Variants in AHR observed in about 807,000 individuals in gnomAD.
AHR encodes AH-receptor.
A neutral mutation model predicts 86.8 loss-of-function variants in AHR; 40 were observed. That is an observed-to-expected ratio of 0.46 (90% CI 0.36 to 0.60). The LOEUF (loss-of-function observed/expected upper bound fraction) is 0.60. Among genes scored for constraint, AHR ranks in the 20% least tolerant of loss-of-function variants. The pLI is 0.00. For synonymous variants in AHR, 398 were observed against 354.9 expected, an observed-to-expected ratio of 1.12 and a Z score of -1.37; for missense variants, 1,001 against 1,011.6, an observed-to-expected ratio of 0.99 and a Z score of 0.14.
At chr7:17,324,464 A>G (rs992984175) in intron 3 of AHR, among the ~76,000 whole-genome samples, 5 of 152,172 alleles carry the variant, frequency 3.3e-5, no homozygotes, top group Non-Finnish European at 5.9e-5. Flanking sequence ...GAGGAGAAAT[A>G]TTTTCCTTTG....
In AHR at chr7:17,343,119, A is replaced by G; in HGVS notation, c.*55A>G. On this transcript the variant is annotated 3_prime_UTR_variant, in exon 11 of 11. Coordinates refer to ENST00000242057, the MANE Select transcript of AHR (RefSeq NM_001621.5). Reference sequence around the variant, plus strand: ...GGATTAAATTAGTTTGTGAAGGATTATGGAAAAATAAAACTGTCACTGTTG... The same window carrying G: ...GGATTAAATTAGTTTGTGAAGGATTGTGGAAAAATAAAACTGTCACTGTTG... 6.3e-7 allele frequency: 1 copy of G among 1,587,030 alleles called. No homozygotes were observed.
chr7:17,332,287 T>G (rs912833279), intron 6 of AHR, among the ~76,000 whole-genome samples: 1 of 151,952 alleles, frequency 6.6e-6, no homozygotes, highest in Non-Finnish European at 1.5e-5. Flanking sequence ...TACTTTATTT[T>G]TAAATGTATT....
intron 1 of AHR, among the ~76,000 whole-genome samples, chr7:17,304,716 G>GA (rs1430221878): frequency 1.3e-5 from 2 of 152,066 alleles, no homozygotes; most frequent in African/African-American, 4.8e-5. Context: ...CTCCTAGTAG[G>GA]AAAAAGAATG....
chr7:17,318,291 A>G (rs1055701022), intron 2 of AHR, among the ~76,000 whole-genome samples: 2 of 152,080 alleles, frequency 1.3e-5, no homozygotes, highest in Admixed American at 6.6e-5. Flanking sequence ...GGGAAATCTG[A>G]GCTTAGATGT....
intron 3 of AHR, 118 bp downstream of exon 3, chr7:17,322,725 T>G: frequency 1.4e-6 from 1 of 702,174 alleles, no homozygotes; most frequent in Non-Finnish European, 2.4e-6. Flanking sequence ...TTTTGCCACT[T>G]TCATCTGAAC....
At chr7:17,303,890 A>C (rs990373755) in intron 1 of AHR, among the ~76,000 whole-genome samples, 1 of 152,084 alleles carries the variant, frequency 6.6e-6, no homozygotes, top group Non-Finnish European at 1.5e-5. Context: ...GGATGTGACT[A>C]TATCTTTGCA....
intron 3 of AHR, among the ~76,000 whole-genome samples, chr7:17,324,023 AT>A (rs1186615244): frequency 1.3e-5 from 2 of 152,146 alleles, no homozygotes; most frequent in Admixed American, 6.5e-5. Flanking sequence ...GGCCATTTTT[AT>A]TTTTTTCCCA....
intron 2 of AHR, among the ~76,000 whole-genome samples, chr7:17,321,451 A>T (rs10271859): frequency 6.6e-6 from 1 of 151,852 alleles, no homozygotes; most frequent in African/African-American, 2.4e-5. Context: ...GTTTGAGCCC[A>T]ATTCTGTCAG....
At chr7:17,321,594 TACACAC>T (rs71309046) in intron 2 of AHR, among the ~76,000 whole-genome samples, 1 of 147,632 alleles carries the variant, frequency 6.8e-6, no homozygotes, top group African/African-American at 2.5e-5. Context: ...ACCACACACA[TACACAC>T]ACACACACAC....
At chr7:17,330,993 C>A in intron 6 of AHR, 107 bp downstream of exon 6, 3 of 1,227,428 alleles carry the variant, frequency 2.4e-6, no homozygotes, top group South Asian at 1.6e-5. Flanking sequence ...ATTCCCAAAT[C>A]AGGCAACCCT....
intron 2 of AHR, among the ~76,000 whole-genome samples, chr7:17,317,791 G>A (rs1041937543): frequency 6.6e-6 from 1 of 152,030 alleles, no homozygotes; most frequent in African/African-American, 2.4e-5. Context: ...CCCTCATTGA[G>A]TATTTACATT....
chr7:17,308,625 G>A (rs73301738), intron 1 of AHR, among the ~76,000 whole-genome samples: 3,231 of 151,540 alleles, frequency 0.021, 114 homozygotes, highest in African/African-American at 0.075. Flanking sequence ...AATAGCTAGG[G>A]GAACCATCAC....
intron 3 of AHR, among the ~76,000 whole-genome samples, chr7:17,325,639 A>G (rs778303722): frequency 2.4e-4 from 37 of 152,202 alleles, no homozygotes; most frequent in Non-Finnish European, 5.1e-4. Flanking sequence ...GCTTGTGGTT[A>G]AAGGGACATG....
Position 17,339,157 on chromosome 7 carries a change from C to T in AHR, c.1332C>T (p.Ser444=). The T allele has an allele frequency of 6.2e-7, 1 of 1,614,168 alleles. No individual in the cohort carries two copies. Among genetic ancestry groups the T allele is most frequent in the Non-Finnish European group, 8.5e-7 (1 of 1,180,022 alleles). ...GTSGKDSATT[S]TLSKDSLNPS... ...GTGGAAAAGACTCTGCTACCACATC[C>T]ACTCTAAGCAAGGACTCTCTCAATC... The change falls in exon 10 of 11, where the codon TCC becomes TCT. Residue 444 remains serine, a synonymous_variant. Coordinates refer to ENST00000242057, the MANE Select transcript of AHR (RefSeq NM_001621.5).
At position 17,330,058 on chromosome 7, in the gene AHR, C is replaced by T. The variant is rs372336741; in HGVS notation, c.557C>T (p.Ser186Phe). Reference sequence around the variant, plus strand: ...TTAAATCCTTCTCAGTGTACAGAGTCTGGACAAGGAATTGAAGGTAAGAAT... The same window carrying T: ...TTAAATCCTTCTCAGTGTACAGAGTTTGGACAAGGAATTGAAGGTAAGAAT... ...WALNPSQCTE[S>F]GQGIEEATGL... The change falls in exon 5 of 11, where the codon TCT becomes TTT. Residue 186 changes from serine (S) to phenylalanine (F), a missense_variant. This residue lies in a region of AHR where 394 missense variants were observed against 468.5 expected (regional missense o/e 0.84). Coordinates refer to ENST00000242057, the MANE Select transcript of AHR (RefSeq NM_001621.5). The T allele has an allele frequency of 7.5e-5, 121 of 1,608,616 alleles. No individual in the cohort carries two copies. The highest frequency in any genetic ancestry group is 3.5e-4 in the Admixed American group (21 of 59,180).
Position 17,339,144 on chromosome 7 carries a change from C to G in AHR, c.1319C>G (p.Ser440Cys), listed in dbSNP as rs775338539. The change falls in exon 10 of 11, where the codon TCT becomes TGT. Residue 440 changes from serine (S) to cysteine (C), a missense_variant. This residue lies in a region of AHR where 607 missense variants were observed against 543.1 expected (regional missense o/e 1.12). Coordinates refer to ENST00000242057, the MANE Select transcript of AHR (RefSeq NM_001621.5). ...RTKNGTSGKD[S>C]ATTSTLSKDS... ...AAAAATGGCACTAGTGGAAAAGACT[C>G]TGCTACCACATCCACTCTAAGCAAG... 1.2e-6 allele frequency: 2 copies of G among 1,614,068 alleles called. No homozygotes were observed. The highest frequency in any genetic ancestry group is 2.2e-5 in the South Asian group (2 of 91,084).
At chr7:17,317,116 G>GTTTTTTTTTT (rs66779121) in intron 2 of AHR, among the ~76,000 whole-genome samples, 2 of 123,674 alleles carry the variant, frequency 1.6e-5, no homozygotes, top group African/African-American at 3.0e-5. Flanking sequence ...GGAGAATTTT[G>GTTTTTTTTTT]TTTTTTTTTT....
chr7:17,328,622 T>A (rs1351575128), intron 4 of AHR, among the ~76,000 whole-genome samples: 2 of 151,902 alleles, frequency 1.3e-5, no homozygotes, highest in East Asian at 1.9e-4. Context: ...TCTGAATCAG[T>A]AGTTCACAGT....
intron 1 of AHR, among the ~76,000 whole-genome samples, chr7:17,306,978 C>A (rs1239928886): frequency 6.6e-6 from 1 of 152,066 alleles, no homozygotes; most frequent in Non-Finnish European, 1.5e-5. Flanking sequence ...GTTAGGCAAA[C>A]AAGTATAAGC....
Sources: allele counts gnomAD v4.1 joint callset (sites outside exome capture counted in the v4.1 genomes callset), GRCh38; gene constraint gnomAD v4.1.1; regional missense constraint gnomAD v4.1.1; transcripts MANE v1.5; gene names NCBI Gene and HGNC (gene_info 2026-07-23, HGNC 2026-07-21).